The following STK32C variants were observed in gnomAD, a reference collection of about 807,000 sequenced individuals.
STK32C encodes the protein serine/threonine-protein kinase 32C.
STK32C carries 31 observed loss-of-function variants against 56.5 expected under a neutral mutation model. The observed-to-expected ratio is 0.55, with a 90% CI of 0.41 to 0.74. STK32C has a LOEUF of 0.74. Ranked by LOEUF, STK32C falls within the 30% of genes least tolerant of loss-of-function variation. The pLI is 0.00. For missense variants in STK32C, 544 were observed against 676.9 expected, an observed-to-expected ratio of 0.80 and a Z score of 2.18; for synonymous variants, 309 against 289.4, an observed-to-expected ratio of 1.07 and a Z score of -0.69.
chr10:132,207,994 C>T lies in STK32C; in HGVS notation c.*16G>A. On this transcript the variant is annotated 3_prime_UTR_variant, in exon 12 of 12. Transcript: ENST00000298630. ...TCCAAAGCAGCTCAAGGGGTGAGGA[C>T]CACGGGCGTCCCGGCCTAGCCGCTC... 2 of 1,301,702 alleles carry T rather than the reference C, an allele frequency of 1.5e-6. No homozygotes were observed. Among genetic ancestry groups the T allele is most frequent in the South Asian group, 3.3e-5 (1 of 30,438 alleles). 80.6% of individuals were successfully genotyped at this position (1,301,702 alleles called of 1,614,324 possible).
upstream of STK32C, among the ~76,000 whole-genome samples, chr10:132,311,181 A>G (rs959801254): frequency 2.0e-5 from 3 of 152,174 alleles, no homozygotes; most frequent in South Asian, 2.1e-4. This position sits in a 1 kb window ranked among gnomAD's most constrained non-coding sequence, Gnocchi z 4.4. Context: ...TGTGTGCTTC[A>G]TCTTCTGTCA....
At chr10:132,250,616 G>GT (rs549258445) in intron 1 of STK32C, among the ~76,000 whole-genome samples, 47 of 149,238 alleles carry the variant, frequency 3.1e-4, no homozygotes, top group African/African-American at 8.8e-4. Context: ...TCCGCCCCGA[G>GT]GCAGGTGGGT....
intron 1 of STK32C, among the ~76,000 whole-genome samples, chr10:132,268,768 CCTGT>C (rs369444474): frequency 0.048 from 6,047 of 124,988 alleles, 159 homozygotes; most frequent in South Asian, 0.076. Context: ...CAGCTCTATG[CCTGT>C]CTGTGTGCAT....
intron 1 of STK32C, among the ~76,000 whole-genome samples, chr10:132,284,153 C>T (rs1054418463): frequency 6.6e-5 from 10 of 151,678 alleles, no homozygotes; most frequent in Admixed American, 5.9e-4. Context: ...GAGCAGACGC[C>T]GACCACAAGC....
At chr10:132,244,553 T>G (rs1054015508) in intron 2 of STK32C, among the ~76,000 whole-genome samples, 5 of 152,202 alleles carry the variant, frequency 3.3e-5, no homozygotes, top group African/African-American at 1.2e-4. Context: ...AGGGCAGGTC[T>G]CTGCCCCTCA....
chr10:132,331,188 A>G (rs1033299846), intron 1 of STK32C, among the ~76,000 whole-genome samples: 6 of 128,440 alleles, frequency 4.7e-5, no homozygotes, highest in Non-Finnish European at 9.6e-5. Context: ...GAGACAAAGC[A>G]AGACTCCACC....
intron 1 of STK32C, among the ~76,000 whole-genome samples, chr10:132,280,546 G>T (rs1470620057): frequency 8.7e-6 from 1 of 115,564 alleles, no homozygotes; most frequent in Non-Finnish European, 1.8e-5. Context: ...CCTCCACACC[G>T]TGACCACGCC....
At chr10:132,276,829 G>A (rs929091579) in intron 1 of STK32C, among the ~76,000 whole-genome samples, 10 of 151,160 alleles carry the variant, frequency 6.6e-5, no homozygotes, top group Non-Finnish European at 1.0e-4. Context: ...GGTTTCCTCC[G>A]TTACCCCAGC....
At chr10:132,263,865 C>CAAAAAA (rs71472732) in intron 1 of STK32C, among the ~76,000 whole-genome samples, 21 of 75,662 alleles carry the variant, frequency 2.8e-4, no homozygotes, top group Non-Finnish European at 3.8e-4. Flanking sequence ...GACTCCATCT[C>CAAAAAA]AAAAAAAAAA....
chr10:132,274,633 C>G lies in STK32C; in HGVS notation c.263-28678G>C, dbSNP rs561511352. Among the ~76,000 whole-genome samples the G allele has an allele frequency of 5.7e-3, 871 of 152,320 alleles. 7 individuals carry two copies. Among genetic ancestry groups the G allele is most frequent in the Non-Finnish European group, 7.5e-3 (507 of 68,014 alleles). ...CCCTCAGCCCACCAGGAGCCACGGA[C>G]GCCGGATCCTCAGGCTGCACTGGTC... On this transcript the variant is annotated intron_variant, in intron 1 of 11. Transcript: ENST00000298630.
chr10:132,320,270 A>G (rs1181721028), downstream of STK32C, among the ~76,000 whole-genome samples: 2 of 152,104 alleles, frequency 1.3e-5, no homozygotes, highest in East Asian at 3.9e-4. Context: ...AAAGATAAAC[A>G]CAGCCCATTG....
At chr10:132,224,346 G>A (rs1039203599) in intron 8 of STK32C, 61 bp downstream of exon 8, 8 of 1,279,986 alleles carry the variant, frequency 6.3e-6, no homozygotes, top group Non-Finnish European at 8.8e-6. Context: ...CCGAGCCGCA[G>A]GTAAGTGAGG....
intron 10 of STK32C, among the ~76,000 whole-genome samples, chr10:132,220,754 C>A (rs1360207905): frequency 2.0e-5 from 3 of 152,244 alleles, no homozygotes; most frequent in Non-Finnish European, 4.4e-5. Context: ...AGCTCACACT[C>A]TGGGGAGACC....
intron 1 of STK32C, among the ~76,000 whole-genome samples, chr10:132,256,648 C>T (rs1271574798): frequency 6.6e-6 from 1 of 152,146 alleles, no homozygotes; most frequent in Non-Finnish European, 1.5e-5. Flanking sequence ...GCACCTCCCC[C>T]CAGGCTGCCT....
intron 1 of STK32C, chr10:132,330,375 C>T (rs1262857288): frequency 4.2e-6 from 3 of 707,004 alleles, no homozygotes; most frequent in Non-Finnish European, 5.3e-6. Flanking sequence ...ATCTTCCATC[C>T]CCTTCGCCAC....
Position 132,307,505 on chromosome 10 carries a change from G to A in STK32C, c.262+67C>T. 1 of 1,466,996 alleles carries A rather than the reference G, an allele frequency of 6.8e-7. No homozygotes were observed. The highest frequency in any genetic ancestry group is 9.0e-7 in the Non-Finnish European group (1 of 1,105,552). 90.9% of individuals were successfully genotyped at this position (1,466,996 alleles called of 1,614,324 possible). A position where few individuals can be genotyped will look rare whatever the true frequency, so the allele number is the denominator to read the frequency against. ...ACCGGGGGAACCCCTGCGGGAAAAA[G>A]CCGCCCAGCCGCGCCCGCCCCTGCA... On this transcript the variant is annotated intron_variant, in intron 1 of 11. Transcript: ENST00000298630. The surrounding 1 kb of genome is among the most constrained non-coding windows in gnomAD (Gnocchi z 4.4).
At chr10:132,219,867 G>T (rs2062579995) in intron 10 of STK32C, among the ~76,000 whole-genome samples, 1 of 152,172 alleles carries the variant, frequency 6.6e-6, no homozygotes, top group South Asian at 2.1e-4. Flanking sequence ...CACCAGGTCT[G>T]AGGAGGCTGC....
intron 1 of STK32C, among the ~76,000 whole-genome samples, chr10:132,287,772 G>C (rs1402112537): frequency 6.6e-6 from 1 of 152,056 alleles, no homozygotes; most frequent in Non-Finnish European, 1.5e-5. Flanking sequence ...CAATTTTTAA[G>C]AGATCCATTC....
chr10:132,224,820 T>C (rs1021629652), intron 7 of STK32C, among the ~76,000 whole-genome samples: 4 of 151,916 alleles, frequency 2.6e-5, no homozygotes, highest in African/African-American at 7.3e-5. Context: ...AGAGGTGGGG[T>C]CCTGTGCAGG....
Sources: allele counts gnomAD v4.1 joint callset (sites outside exome capture counted in the v4.1 genomes callset), GRCh38; gene constraint gnomAD v4.1.1; non-coding constraint Gnocchi (gnomAD v3.1); transcripts MANE v1.5; gene names NCBI Gene and HGNC (gene_info 2026-07-23, HGNC 2026-07-21).